Variants in ASAP3 observed in about 807,000 individuals in gnomAD.
The protein encoded by ASAP3 is arf-GAP with SH3 domain, ANK repeat and PH domain-containing protein 3.
Under a neutral mutation model 118.2 loss-of-function variants are expected in ASAP3, and 85 were observed. The ratio of observed to expected loss-of-function variants is 0.72; its 90% CI spans 0.60 to 0.86. The LOEUF (loss-of-function observed/expected upper bound fraction) is 0.86, where lower values mean the gene tolerates loss of function less well. Among genes scored for constraint, ASAP3 ranks in the 40% least tolerant of loss-of-function variants. The pLI is 0.00. For synonymous variants in ASAP3, 432 were observed against 477.4 expected (o/e 0.90, Z 1.24); for missense variants, 1,026 against 1,175.0 (o/e 0.87, Z 1.85).
At chr1:23,439,750 G>C (rs1272524189) in intron 10 of ASAP3, among the ~76,000 whole-genome samples, 1 of 152,198 alleles carries the variant, frequency 6.6e-6, no homozygotes, top group Non-Finnish European at 1.5e-5. Context: ...CGATTAAACT[G>C]ATTGGTAGGT....
Position 23,436,554 on chromosome 1 carries a change from C to G in ASAP3, c.1571+6G>C, listed in dbSNP as rs1558115336. The stretch of plus-strand genomic sequence containing the variant: ...AGGGTGCCCCTCTCTCTGAGAATCC[C>G]CTTACATGTCACTCTCAGCTGAGGG... On this transcript the variant is annotated splice_donor_region_variant and intron_variant, in intron 16 of 24. Coordinates refer to ENST00000336689, the MANE Select transcript of ASAP3 (RefSeq NM_017707.4). This position sits in a 1 kb window ranked among gnomAD's most constrained non-coding sequence, Gnocchi z 4.2. 1 of 1,614,148 alleles carries G rather than the reference C, an allele frequency of 6.2e-7. No individual in the cohort carries two copies. Among genetic ancestry groups the G allele is most frequent in the Non-Finnish European group, 8.5e-7 (1 of 1,179,956 alleles).
chr1:23,433,324 C>T, intron 21 of ASAP3, 52 bp from the exon 22 acceptor site: 1 of 1,608,976 alleles, frequency 6.2e-7, no homozygotes, highest in Non-Finnish European at 8.5e-7. Context: ...TCCGGTGTAG[C>T]CCTGTCCCCC....
At chr1:23,435,650 A>C in intron 17 of ASAP3, 1 of 650,222 alleles carries the variant, frequency 1.5e-6, no homozygotes, top group Non-Finnish European at 2.7e-6. Flanking sequence ...CCTAGATCAC[A>C]CAGCTAGGAA....
rs1640563891 is a variant in ASAP3 at position 23,434,528 on chromosome 1, C to T, written c.1835+5G>A. Reference sequence around the variant, plus strand: ...AGCCAGACAGACAGGCAGGGAGGCTCTCACCCGTTCTGGATGATGAAATCC... The same window carrying T: ...AGCCAGACAGACAGGCAGGGAGGCTTTCACCCGTTCTGGATGATGAAATCC... On this transcript the variant is annotated splice_donor_5th_base_variant and intron_variant, in intron 18 of 24. Coordinates refer to ENST00000336689, the MANE Select transcript of ASAP3 (RefSeq NM_017707.4). 1 of 1,614,034 alleles carries T rather than the reference C, an allele frequency of 6.2e-7. No individual in the cohort carries two copies.
At chr1:23,442,656 C>T (rs1640915576) in intron 5 of ASAP3, 44 bp from the exon 6 acceptor site, 1 of 1,593,856 alleles carries the variant, frequency 6.3e-7, no homozygotes, top group Non-Finnish European at 8.5e-7. Context: ...CTCACCAGCC[C>T]CTATATCCTC....
rs1381717326 is a variant in ASAP3, at chr1:23,434,561, G to A, written c.1807C>T (p.Pro603Ser). ...TTCTGGATGATGAAATCCACCAGAG[G>A]CAGGGAAGCCTGGTTGGCGACTTTG... ...AVKVANQASLPLVDFIIQNGG... is the reference protein window; with the variant it reads ...AVKVANQASLSLVDFIIQNGG... The change falls in exon 18 of 25, where the codon CCT becomes TCT. Residue 603 changes from proline to serine, a missense_variant. Pro to Ser is a moderately conservative substitution (Grantham distance 74). Coordinates refer to ENST00000336689, the MANE Select transcript of ASAP3 (RefSeq NM_017707.4). The A allele has an allele frequency of 6.2e-7, 1 of 1,614,164 alleles. No individual in the cohort carries two copies. The highest frequency in any genetic ancestry group is 8.5e-7 in the Non-Finnish European group (1 of 1,180,026).
chr1:23,438,715 G>A lies in ASAP3; in HGVS notation c.1102+32C>T, dbSNP rs371317213. ...TGTCTTAGAGAAGCCCTGAGCAGCT[G>A]TGGGTGGGGGAGAGGCACAGGGACC... On this transcript the variant is annotated intron_variant, in intron 12 of 24. Coordinates refer to ENST00000336689, the MANE Select transcript of ASAP3 (RefSeq NM_017707.4). This position sits in a 1 kb window ranked among gnomAD's most constrained non-coding sequence, Gnocchi z 4.9. 3.1e-6 allele frequency: 5 copies of A among 1,603,800 alleles called. No individual in the cohort carries two copies. Among genetic ancestry groups the A allele is most frequent in the Middle Eastern group, 3.3e-4 (2 of 6,056 alleles).
intron 1 of ASAP3, among the ~76,000 whole-genome samples, chr1:23,462,225 C>T (rs1641616151): frequency 2.0e-5 from 3 of 151,470 alleles, no homozygotes; most frequent in South Asian, 4.2e-4. Flanking sequence ...GGGGTTTCAC[C>T]GTGTTAGCCA....
intron 1 of ASAP3, among the ~76,000 whole-genome samples, chr1:23,471,075 G>C (rs1011364216): frequency 6.6e-6 from 1 of 152,216 alleles, no homozygotes; most frequent in Non-Finnish European, 1.5e-5. Flanking sequence ...GGGTTCCCTT[G>C]TTGGCCAGGA....
intron 1 of ASAP3, among the ~76,000 whole-genome samples, chr1:23,471,985 T>A (rs1300377491): frequency 6.6e-6 from 1 of 151,848 alleles, no homozygotes. Flanking sequence ...CTGAAAGAGA[T>A]CAGACAAAAA....
rs754397474 is a variant in ASAP3 at position 23,431,083 on chromosome 1, A to C, written c.2589T>G (p.Pro863=). The change falls in exon 24 of 25, where the codon CCT becomes CCG. Residue 863 remains proline, a synonymous_variant. Coordinates refer to ENST00000336689, the MANE Select transcript of ASAP3 (RefSeq NM_017707.4). ...TRSYRRGARS[P]EDGPSARQPL... is the part of the protein sequence containing the mutation. The stretch of plus-strand genomic sequence containing the variant: ...GCTGCCTGGCTGAGGGACCATCTTC[A>C]GGGCTCCGCGCCCCCCGCCGATAGG... 152 of 1,575,846 alleles carry C rather than the reference A, an allele frequency of 9.6e-5. 1 individual carries two copies. The highest frequency in any genetic ancestry group is 3.1e-4 in the Admixed American group (17 of 54,140).
chr1:23,437,467 G>A lies in ASAP3; in HGVS notation c.1108C>T (p.Arg370Trp). The A allele has an allele frequency of 1.2e-6, 2 of 1,614,112 alleles. No individual in the cohort carries two copies. The highest frequency in any genetic ancestry group is 1.7e-6 in the Non-Finnish European group (2 of 1,180,004). The change falls in exon 13 of 25, where the codon CGG becomes TGG. Residue 370 changes from arginine to tryptophan, a missense_variant. Physicochemically the swap from Arg to Trp is moderately radical, Grantham distance 101. Coordinates refer to ENST00000336689, the MANE Select transcript of ASAP3 (RefSeq NM_017707.4). The surrounding 1 kb of genome is among the most constrained non-coding windows in gnomAD (Gnocchi z 6.1). ...KKCFDLVTHN[R>W]TYHFQAEDEH... is the part of the protein sequence containing the mutation. ...TCCTCTGCCTGAAAGTGGTACGTCC[G>A]GTTGTCTGTCGGGAGAGAAGGGGGC...
At chr1:23,433,373 T>C (rs1344786412) in intron 21 of ASAP3, 52 bp downstream of exon 21, 1 of 1,613,558 alleles carries the variant, frequency 6.2e-7, no homozygotes, top group Non-Finnish European at 8.5e-7. Flanking sequence ...AGGCCCAATC[T>C]GGCTCTTTCC....
At chr1:23,474,837 C>T (rs1332192485) in intron 1 of ASAP3, among the ~76,000 whole-genome samples, 1 of 152,214 alleles carries the variant, frequency 6.6e-6, no homozygotes, top group Non-Finnish European at 1.5e-5. Context: ...CCTGCCTCAG[C>T]CTCCCAAAGT....
At position 23,438,925 on chromosome 1, in the gene ASAP3, A is replaced by G; in HGVS notation, c.1015-91T>C. On this transcript the variant is annotated intron_variant, in intron 11 of 24. Transcript: ENST00000336689. This position sits in a 1 kb window ranked among gnomAD's most constrained non-coding sequence, Gnocchi z 4.9. ...ATTTCCCACTCTGTTAAATGGGCATAATCATCCTGTTCCATTTGTGTTTCT... is the reference window on the plus strand; with the variant it reads ...ATTTCCCACTCTGTTAAATGGGCATGATCATCCTGTTCCATTTGTGTTTCT... The G allele has an allele frequency of 7.5e-7, 1 of 1,334,990 alleles. No individual in the cohort carries two copies. Among genetic ancestry groups the G allele is most frequent in the Non-Finnish European group, 1.1e-6 (1 of 936,502 alleles). 82.7% of individuals were successfully genotyped at this position (1,334,990 alleles called of 1,614,324 possible).
rs1259446025 is a variant in ASAP3, at chr1:23,436,137, T to C, written c.1572-109A>G. The C allele has an allele frequency of 5.5e-6, 7 of 1,262,118 alleles. No homozygotes were observed. The highest frequency in any genetic ancestry group is 5.6e-6 in the Non-Finnish European group (5 of 892,966). The allele number at this position is 1,262,118 out of a possible 1,614,324, so 78.2% of individuals were successfully genotyped here. On this transcript the variant is annotated intron_variant, in intron 16 of 24. Transcript: ENST00000336689. This position sits in a 1 kb window ranked among gnomAD's most constrained non-coding sequence, Gnocchi z 4.2. ...TCTCTTTTTCTCCAGAACCATGTCCTGAAGACGTCTAGATCTGAGGCTCCC... is the reference window on the plus strand; with the variant it reads ...TCTCTTTTTCTCCAGAACCATGTCCCGAAGACGTCTAGATCTGAGGCTCCC...
In ASAP3 at chr1:23,442,256, C is replaced by T. The variant is rs145225699; in HGVS notation, c.601G>A (p.Gly201Arg). The T allele has an allele frequency of 4.4e-5, 70 of 1,604,944 alleles. No homozygotes were observed. The Admixed American group carries it at 6.5e-4, about 15-fold the overall frequency. The change falls in exon 7 of 25, where the codon GGG becomes AGG. Residue 201 changes from glycine to arginine, a missense_variant. Physicochemically the swap from Gly to Arg is moderately radical, Grantham distance 125 (BLOSUM62 -2). Coordinates refer to ENST00000336689, the MANE Select transcript of ASAP3 (RefSeq NM_017707.4). ...LHMCEYLLKA[G>R]ESQMKQGPDF... Reference sequence around the variant, plus strand: ...GGACCTTGCTTCATCTGGCTCTCCCCGGCTTTGAGCAGATACTAGGAGGAG... The same window carrying T: ...GGACCTTGCTTCATCTGGCTCTCCCTGGCTTTGAGCAGATACTAGGAGGAG...
chr1:23,441,778 G>T lies in ASAP3; in HGVS notation c.672-48C>A. 3 of 1,599,534 alleles carry T rather than the reference G, an allele frequency of 1.9e-6. No individual in the cohort carries two copies. In the South Asian group the frequency reaches 3.3e-5, roughly 18 times the overall value. Reference sequence around the variant, plus strand: ...CAAGGGTCCAGATAAAGATGGAAATGAGAGATGAAGCCAGAAGTGTGGGAG... The same window carrying T: ...CAAGGGTCCAGATAAAGATGGAAATTAGAGATGAAGCCAGAAGTGTGGGAG... On this transcript the variant is annotated intron_variant, in intron 7 of 24. Transcript: ENST00000336689.
upstream of ASAP3, chr1:23,484,230 G>A: frequency 4.3e-6 from 5 of 1,154,056 alleles, no homozygotes; most frequent in Non-Finnish European, 5.4e-6. Context: ...GCGCCGTCCC[G>A]GCCTCCACAC....
Sources: gnomAD v4.1 joint callset for allele counts (sites outside exome capture counted in the v4.1 genomes callset) on GRCh38, gnomAD v4.1.1 for gene constraint, Gnocchi (gnomAD v3.1) non-coding constraint, MANE v1.5 for transcripts, NCBI Gene and HGNC (gene_info 2026-07-23, HGNC 2026-07-21) for gene names.